Variants in SYK observed in about 807,000 individuals in gnomAD.
SYK encodes the protein spleen associated tyrosine kinase, also known as tyrosine-protein kinase SYK.
In SYK, 16 loss-of-function variants were observed where a neutral mutation model predicts 77.8. The ratio of observed to expected loss-of-function variants is 0.21; its 90% CI spans 0.14 to 0.31. The LOEUF is 0.31. Ranked by LOEUF, SYK falls within the 10% of genes least tolerant of loss-of-function variation. SYK has a pLI of 1.00. For missense variants in SYK, 529 were observed against 814.4 expected, an observed-to-expected ratio of 0.65 and a Z score of 4.26; for synonymous variants, 312 against 308.7, an observed-to-expected ratio of 1.01 and a Z score of -0.11.
chr9:90,810,933 G>A (rs1244141089), intron 1 of SYK, among the ~76,000 whole-genome samples: 1 of 152,088 alleles, frequency 6.6e-6, no homozygotes, highest in African/African-American at 2.4e-5. Context: ...CAGGGCCATG[G>A]ATGAATGGTC....
intron 3 of SYK, among the ~76,000 whole-genome samples, chr9:90,855,331 G>A (rs1034316948): frequency 2.0e-5 from 3 of 152,114 alleles, no homozygotes; most frequent in African/African-American, 7.2e-5. Context: ...CCACCTGCTG[G>A]GGAGGGGAGG....
chr9:90,806,101 G>C (rs570253074), intron 1 of SYK, among the ~76,000 whole-genome samples: 1 of 152,016 alleles, frequency 6.6e-6, no homozygotes, highest in African/African-American at 2.4e-5. Context: ...TTTCTATCTC[G>C]TACCCCTTTT....
chr9:90,807,753 C>G (rs1824895839), intron 1 of SYK, among the ~76,000 whole-genome samples: 1 of 152,158 alleles, frequency 6.6e-6, no homozygotes, highest in Non-Finnish European at 1.5e-5. Flanking sequence ...GAGTACATAT[C>G]CTTTAGTACA....
chr9:90,863,438 C>G (rs1216396981), intron 4 of SYK, among the ~76,000 whole-genome samples: 1 of 152,138 alleles, frequency 6.6e-6, no homozygotes, highest in Non-Finnish European at 1.5e-5. Flanking sequence ...GACTACAGAG[C>G]CTTAGCCCCT....
In SYK at chr9:90,848,352, A is replaced by G. The variant is rs371966366; in HGVS notation, c.578+2758A>G. On this transcript the variant is annotated intron_variant, in intron 3 of 13. Coordinates refer to ENST00000375754, the MANE Select transcript of SYK (RefSeq NM_003177.7). ...GCTGCCCTCTCAGTGTGAGTGCGTC[A>G]GCTCCTGATTCACTGTGGGAGTCTG... Among the ~76,000 whole-genome samples the G allele has an allele frequency of 2.8e-3, 420 of 152,338 alleles. 1 individual carries two copies. Among genetic ancestry groups the G allele is most frequent in the African/African-American group, 9.7e-3 (404 of 41,568 alleles).
chr9:90,844,448 A>C, intron 2 of SYK, 133 bp downstream of exon 2: 1 of 1,103,924 alleles, frequency 9.1e-7, no homozygotes, highest in Non-Finnish European at 1.2e-6. Context: ...TTAAGCATCA[A>C]TTTTGGCCAA....
At chr9:90,854,680 T>G (rs933891162) in intron 3 of SYK, among the ~76,000 whole-genome samples, 3 of 152,098 alleles carry the variant, frequency 2.0e-5, no homozygotes, top group African/African-American at 4.8e-5. Context: ...GGACCGACGG[T>G]GAGTGCAGTT....
intron 1 of SYK, among the ~76,000 whole-genome samples, chr9:90,812,741 A>ATG (rs759021735): frequency 0.077 from 8,399 of 109,644 alleles, 398 homozygotes; most frequent in African/African-American, 0.16. Flanking sequence ...CCCATTTGAT[A>ATG]TGTGTGTGTG....
intron 1 of SYK, among the ~76,000 whole-genome samples, chr9:90,813,234 C>T (rs763243510): frequency 3.9e-5 from 6 of 152,058 alleles, no homozygotes; most frequent in South Asian, 4.2e-4. Flanking sequence ...TTCTGGGCCT[C>T]GCTGGCTGCA....
Position 90,884,158 on chromosome 9 carries a change from T to TACACAC in SYK, c.1582-3590_1582-3589insCACACA, listed in dbSNP as rs1340538362. Among the ~76,000 whole-genome samples the TACACAC allele has an allele frequency of 1.5e-3, 156 of 105,838 alleles. 3 individuals are homozygous for TACACAC. The highest frequency in any genetic ancestry group is 4.3e-3 in the South Asian group (14 of 3,276). 69.4% of individuals were successfully genotyped at this position (105,838 alleles called of 152,430 possible). A position where few individuals can be genotyped will look rare whatever the true frequency, so the allele number is the denominator to read the frequency against. On this transcript the variant is annotated intron_variant, in intron 11 of 13. Coordinates refer to ENST00000375754, the MANE Select transcript of SYK (RefSeq NM_003177.7). ...ACATATATATATGTGTGTGTGTATA[T>TACACAC]ATACACACATACACATACGTGTATA...
chr9:90,843,753 A>T, intron 1 of SYK, 105 bp from the exon 2 acceptor site: 1 of 835,010 alleles, frequency 1.2e-6, no homozygotes, highest in Non-Finnish European at 1.7e-6. Flanking sequence ...CTTTGTTCAG[A>T]GATGGGAGGG....
At chr9:90,815,673 C>G (rs1825265224) in intron 1 of SYK, among the ~76,000 whole-genome samples, 1 of 152,246 alleles carries the variant, frequency 6.6e-6, no homozygotes, top group African/African-American at 2.4e-5. Flanking sequence ...ATTGATACGT[C>G]TAAACATTGA....
intron 1 of SYK, among the ~76,000 whole-genome samples, chr9:90,813,443 C>A (rs946538290): frequency 1.2e-4 from 14 of 119,236 alleles, no homozygotes; most frequent in African/African-American, 8.5e-5. Flanking sequence ...CATCCAGTTC[C>A]AAGAAGTGGC....
chr9:90,863,057 C>G (rs955209066), intron 4 of SYK, among the ~76,000 whole-genome samples: 8 of 152,208 alleles, frequency 5.3e-5, no homozygotes, highest in African/African-American at 1.9e-4. Flanking sequence ...TTGGAAGTTC[C>G]TTAGGCACTA....
At chr9:90,849,104 C>T (rs1826716021) in intron 3 of SYK, among the ~76,000 whole-genome samples, 1 of 152,200 alleles carries the variant, frequency 6.6e-6, no homozygotes, top group Admixed American at 6.5e-5. Context: ...TGGGAGGACC[C>T]TGCTTTGGGC....
intron 4 of SYK, among the ~76,000 whole-genome samples, chr9:90,864,162 A>C (rs1185595637): frequency 6.6e-6 from 1 of 152,206 alleles, no homozygotes; most frequent in Admixed American, 6.5e-5. Context: ...GGTGATTGCC[A>C]TAATACCCTA....
rs1828986784 is a variant in SYK at position 90,896,342 on chromosome 9, G to C, written c.*742G>C. ...CCTGAAATCCTCTCTCCTGCAGACT[G>C]TCTTGAAGACCTGGTGACTGGTAAA... On this transcript the variant is annotated 3_prime_UTR_variant, in exon 14 of 14. Transcript: ENST00000375754. 2 of 233,188 alleles carry C rather than the reference G, an allele frequency of 8.6e-6. No homozygotes were observed. Among genetic ancestry groups the C allele is most frequent in the African/African-American group, 4.4e-5 (2 of 45,370 alleles). 14.4% of individuals were successfully genotyped at this position (233,188 alleles called of 1,614,324 possible).
At position 90,879,495 on chromosome 9, in the gene SYK, C is replaced by G. The variant is rs553119309; in HGVS notation, c.1581+542C>G. ...ACTGCAGTTCAGAGCTCCAATATTG[C>G]AGCTTGGAGCTATTCCAAAATAACT... is the stretch of plus-strand genomic sequence containing the variant. On this transcript the variant is annotated intron_variant, in intron 11 of 13. Transcript: ENST00000375754. Among the ~76,000 whole-genome samples, 300 of 152,336 alleles carry G rather than the reference C, an allele frequency of 2.0e-3. 1 individual carries two copies. The highest frequency in any genetic ancestry group is 6.8e-3 in the Middle Eastern group (2 of 294).
intron 13 of SYK, among the ~76,000 whole-genome samples, chr9:90,891,348 C>T (rs1317220781): frequency 4.6e-5 from 7 of 151,948 alleles, no homozygotes; most frequent in African/African-American, 7.3e-5. Context: ...GGGGTTTCAC[C>T]GTGTTAGTCA....
Sources: gnomAD v4.1 joint callset for allele counts (sites outside exome capture counted in the v4.1 genomes callset) on GRCh38, gnomAD v4.1.1 for gene constraint, MANE v1.5 for transcripts, NCBI Gene and HGNC (gene_info 2026-07-23, HGNC 2026-07-21) for gene names.